GRIN2B: variants seen among roughly 807,000 people sequenced by gnomAD.
GRIN2B encodes glutamate receptor ionotropic, NMDA 2B.
GRIN2B carries 5 observed loss-of-function variants against 114.5 expected under a neutral mutation model. The observed-to-expected ratio is 0.04, with a 90% CI of 0.02 to 0.09. The LOEUF is 0.09. GRIN2B is among the 10% of genes least tolerant of loss of function. The pLI is 1.00. For missense variants in GRIN2B, 1,108 were observed against 1,943.5 expected, an observed-to-expected ratio of 0.57 and a Z score of 8.08; for synonymous variants, 787 against 745.1, an observed-to-expected ratio of 1.06 and a Z score of -0.92.
intron 3 of GRIN2B, among the ~76,000 whole-genome samples, chr12:13,799,848 A>G (rs1040152495): frequency 6.6e-6 from 1 of 152,088 alleles, no homozygotes; most frequent in Non-Finnish European, 1.5e-5. Context: ...GAGAGAATGC[A>G]TCAGGAGAAC....
Position 13,651,891 on chromosome 12 carries a change from T to C in GRIN2B, c.1125+23854A>G, listed in dbSNP as rs1444310343. Among the ~76,000 whole-genome samples, 3 of 152,042 alleles carry C rather than the reference T, an allele frequency of 2.0e-5. No individual in the cohort carries two copies. The East Asian group carries it at 5.8e-4, about 29-fold the overall frequency. ...GGTTTCCTCATCTATAAAACTAGGATAATATTTATCCAGTAAGATGAGTTA... is the reference window on the plus strand; with the variant it reads ...GGTTTCCTCATCTATAAAACTAGGACAATATTTATCCAGTAAGATGAGTTA... On this transcript the variant is annotated intron_variant, in intron 5 of 13. Coordinates refer to ENST00000609686, the MANE Select transcript of GRIN2B (RefSeq NM_000834.5).
chr12:13,878,429 C>T (rs1006668174), intron 2 of GRIN2B, among the ~76,000 whole-genome samples: 2 of 152,224 alleles, frequency 1.3e-5, no homozygotes, highest in African/African-American at 4.8e-5. Context: ...CACCCAGCTG[C>T]TACTAGCTCC....
At chr12:13,914,415 G>A (rs1167957354) in intron 2 of GRIN2B, among the ~76,000 whole-genome samples, 3 of 152,138 alleles carry the variant, frequency 2.0e-5, no homozygotes, top group African/African-American at 7.2e-5. Flanking sequence ...AAAAAGTAGG[G>A]AATAACGGAT....
intron 3 of GRIN2B, among the ~76,000 whole-genome samples, chr12:13,788,995 C>G (rs1011607612): frequency 6.6e-6 from 1 of 152,184 alleles, no homozygotes. Flanking sequence ...CGATTAATGG[C>G]TGGTCACCAC....
At chr12:13,624,229 C>CT (rs569335705) in intron 5 of GRIN2B, among the ~76,000 whole-genome samples, 240 of 152,124 alleles carry the variant, frequency 1.6e-3, no homozygotes, top group South Asian at 6.5e-3. Context: ...ATTAGATTGC[C>CT]TTTTTTTTGT....
In GRIN2B at chr12:13,615,175, C is replaced by T. The variant is rs1468222567; in HGVS notation, c.1593G>A (p.Glu531=). The T allele has an allele frequency of 1.9e-6, 3 of 1,613,432 alleles. No homozygotes were observed. Among genetic ancestry groups the T allele is most frequent in the Non-Finnish European group, 2.5e-6 (3 of 1,179,338 alleles). The change falls in exon 8 of 14, where the codon GAG becomes GAA. Residue 531 remains glutamate (E), a synonymous_variant. Coordinates refer to ENST00000609686, the MANE Select transcript of GRIN2B (RefSeq NM_000834.5). The surrounding 1 kb of genome is among the most constrained non-coding windows in gnomAD (Gnocchi z 5.8). Reference sequence around the variant, plus strand: ...GTGACACCATGACACTGATGCCTGTCTCTATGAAGGGCACAGAGAAGTCGA... The same window carrying T: ...GTGACACCATGACACTGATGCCTGTTTCTATGAAGGGCACAGAGAAGTCGA... ...EVVDFSVPFI[E]TGISVMVSRS... is the part of the protein sequence containing the mutation.
chr12:13,918,252 G>A (rs1215847694), intron 2 of GRIN2B, among the ~76,000 whole-genome samples: 1 of 152,172 alleles, frequency 6.6e-6, no homozygotes, highest in East Asian at 1.9e-4. Context: ...TGATGTGAGT[G>A]AAAGTTAGCC....
intron 4 of GRIN2B, among the ~76,000 whole-genome samples, chr12:13,696,182 G>C (rs1950257378): frequency 6.6e-6 from 1 of 152,076 alleles, no homozygotes; most frequent in African/African-American, 2.4e-5. Flanking sequence ...GACCAAGAAG[G>C]GGTGCAGCAT....
chr12:13,607,927 C>T (rs992967815), intron 10 of GRIN2B, among the ~76,000 whole-genome samples: 2 of 152,104 alleles, frequency 1.3e-5, no homozygotes, highest in Admixed American at 1.3e-4. Context: ...TTCAGGCAGA[C>T]TGGAGGGTCA....
intron 3 of GRIN2B, among the ~76,000 whole-genome samples, chr12:13,768,957 C>A (rs1420236913): frequency 1.3e-5 from 2 of 152,090 alleles, no homozygotes; most frequent in Non-Finnish European, 2.9e-5. Flanking sequence ...TGGTGTGAAC[C>A]CGGGAGGTGG....
chr12:13,904,192 C>T (rs1866501782), intron 2 of GRIN2B, among the ~76,000 whole-genome samples: 1 of 146,920 alleles, frequency 6.8e-6, no homozygotes. Flanking sequence ...TCTATTTGTT[C>T]CACACCTCCT....
At chr12:13,814,502 A>C (rs540050514) in intron 3 of GRIN2B, among the ~76,000 whole-genome samples, 4 of 152,358 alleles carry the variant, frequency 2.6e-5, no homozygotes, top group Admixed American at 2.6e-4. Flanking sequence ...TAAGAAGAAA[A>C]CCAGTGAATT....
intron 3 of GRIN2B, among the ~76,000 whole-genome samples, chr12:13,820,039 A>G (rs1174939814): frequency 6.6e-6 from 1 of 152,160 alleles, no homozygotes; most frequent in Admixed American, 6.5e-5. Context: ...AAGTGTAGAC[A>G]AAACCTCTCC....
At chr12:13,669,251 T>C (rs1950002830) in intron 5 of GRIN2B, among the ~76,000 whole-genome samples, 2 of 151,962 alleles carry the variant, frequency 1.3e-5, no homozygotes, top group Non-Finnish European at 2.9e-5. Context: ...TCTGGTTGTG[T>C]CTCAGAGGAG....
chr12:13,977,744 T>C (rs1182111258), intron 2 of GRIN2B, among the ~76,000 whole-genome samples: 1 of 152,140 alleles, frequency 6.6e-6, no homozygotes, highest in Non-Finnish European at 1.5e-5. Context: ...AGAGACTGCC[T>C]GCGAGGATGG....
At position 13,544,040 on chromosome 12, in the gene GRIN2B, G is replaced by A. The variant is rs1489485698; in HGVS notation, c.*18743C>T. On this transcript the variant is annotated 3_prime_UTR_variant, in exon 14 of 14. Coordinates refer to ENST00000609686, the MANE Select transcript of GRIN2B (RefSeq NM_000834.5). Reference sequence around the variant, plus strand: ...GATTAGTCTTGTCAACATAAAATGGGCTGTTATTTTTCCCATCTTAAAAAA... The same window carrying A: ...GATTAGTCTTGTCAACATAAAATGGACTGTTATTTTTCCCATCTTAAAAAA... 6.6e-6 allele frequency: 1 copy of A among 152,002 alleles called. No individual in the cohort carries two copies. The highest frequency in any genetic ancestry group is 2.4e-5 in the African/African-American group (1 of 41,368). 9.4% of individuals were successfully genotyped at this position (152,002 alleles called of 1,614,324 possible). A position where few individuals can be genotyped will look rare whatever the true frequency, so the allele number is the denominator to read the frequency against.
chr12:13,611,957 A>G (rs1033063701), intron 8 of GRIN2B, 107 bp from the exon 9 acceptor site: 14 of 1,138,986 alleles, frequency 1.2e-5, no homozygotes, highest in Non-Finnish European at 1.5e-5. Context: ...ACAAACCACA[A>G]TGTGTTGTCT....
At chr12:13,759,519 T>C (rs986698175) in intron 3 of GRIN2B, among the ~76,000 whole-genome samples, 17 of 152,286 alleles carry the variant, frequency 1.1e-4, no homozygotes, top group African/African-American at 4.1e-4. Context: ...CTAATTCCTC[T>C]TCTCCCATTC....
At chr12:13,932,992 T>C (rs1173506344) in intron 2 of GRIN2B, among the ~76,000 whole-genome samples, 2 of 145,956 alleles carry the variant, frequency 1.4e-5, no homozygotes, top group Non-Finnish European at 3.0e-5. Flanking sequence ...TGTGTGCGTG[T>C]GCGTGTGTGT....
Sources: allele counts gnomAD v4.1 joint callset (sites outside exome capture counted in the v4.1 genomes callset), GRCh38; gene constraint gnomAD v4.1.1; non-coding constraint Gnocchi (gnomAD v3.1); transcripts MANE v1.5; gene names NCBI Gene and HGNC (gene_info 2026-07-23, HGNC 2026-07-21).